NEDD4L: variants seen among roughly 807,000 people sequenced by gnomAD.
The protein encoded by NEDD4L is E3 ubiquitin-protein ligase NEDD4-like.
A neutral mutation model predicts 148.9 loss-of-function variants in NEDD4L; 54 were observed. The observed-to-expected ratio is 0.36, with a 90% CI of 0.29 to 0.45. The LOEUF is 0.45. NEDD4L is among the 20% of genes least tolerant of loss of function. The pLI is 1.00. For missense variants in NEDD4L, 856 were observed against 1,233.8 expected, an observed-to-expected ratio of 0.69 and a Z score of 4.59; for synonymous variants, 433 against 440.7, an observed-to-expected ratio of 0.98 and a Z score of 0.22.
chr18:58,213,862 C>A (rs1251507021), intron 2 of NEDD4L, among the ~76,000 whole-genome samples: 2 of 152,028 alleles, frequency 1.3e-5, no homozygotes, highest in African/African-American at 2.4e-5. Flanking sequence ...TTGGTTTATT[C>A]TGAGACCCCG....
chr18:58,313,687 C>T (rs2034378308), intron 5 of NEDD4L, among the ~76,000 whole-genome samples: 2 of 152,212 alleles, frequency 1.3e-5, no homozygotes, highest in East Asian at 3.8e-4. Context: ...GAGAACTAGA[C>T]GCAGCCTTGG....
At chr18:58,145,244 T>C (rs547943139) in intron 1 of NEDD4L, among the ~76,000 whole-genome samples, 2 of 152,224 alleles carry the variant, frequency 1.3e-5, no homozygotes, top group East Asian at 3.9e-4. Flanking sequence ...GGGGTCCAAG[T>C]GCCAAGGGAC....
chr18:58,102,960 G>C (rs1453967158), intron 1 of NEDD4L, among the ~76,000 whole-genome samples: 3 of 152,082 alleles, frequency 2.0e-5, no homozygotes, highest in Non-Finnish European at 4.4e-5. Flanking sequence ...CTCAGCCTTT[G>C]TTTGCATGCT....
Position 58,329,092 on chromosome 18 carries a change from G to C in NEDD4L, c.778G>C (p.Glu260Gln), listed in dbSNP as rs2059569575. ...RSRRHISEDL[E>Q]PEPSEGGDVP... ...CCGCAGGCACATCAGCGAAGACTTG[G>C]AGCCCGAGCCCTCGGAGGGCGGGGA... The change falls in exon 10 of 31, where the codon GAG (glutamate) becomes CAG (glutamine). Residue 260 changes from glutamate to glutamine, a missense_variant. Glu to Gln is a conservative substitution (Grantham distance 29). Transcript: ENST00000400345. The C allele has an allele frequency of 1.2e-6, 2 of 1,613,898 alleles. No individual in the cohort carries two copies. The highest frequency in any genetic ancestry group is 2.2e-5 in the South Asian group (2 of 91,074).
At chr18:58,125,094 T>C (rs112975411) in intron 1 of NEDD4L, among the ~76,000 whole-genome samples, 2,611 of 152,284 alleles carry the variant, frequency 0.017, 29 homozygotes, top group African/African-American at 0.026. Context: ...GAGATGGGGT[T>C]TCATGATGTT....
rs150932276 is a variant in NEDD4L at position 58,352,600 on chromosome 18, G to A, written c.1708+1555G>A. 1.9e-3 allele frequency among the ~76,000 whole-genome samples: 293 copies of A among 152,226 alleles called. 2 individuals are homozygous for A. Among genetic ancestry groups the A allele is most frequent in the African/African-American group, 6.6e-3 (274 of 41,526 alleles). On this transcript the variant is annotated intron_variant, in intron 18 of 30. Transcript: ENST00000400345. The stretch of plus-strand genomic sequence containing the variant: ...CTTGAACCTGGGAGGTGGAGGTTGC[G>A]GTGAGACAAGATCATACCACTGCAC...
Position 58,256,240 on chromosome 18 carries a change from C to A in NEDD4L, c.297+4186C>A. 8.1e-7 allele frequency: 1 copy of A among 1,229,556 alleles called. No homozygotes were observed. The highest frequency in any genetic ancestry group is 4.1e-5 in the South Asian group (1 of 24,310). The allele number at this position is 1,229,556 out of a possible 1,614,324, so 76.2% of individuals were successfully genotyped here. On this transcript the variant is annotated intron_variant, in intron 5 of 30. Transcript: ENST00000400345. This position sits in a 1 kb window ranked among gnomAD's most constrained non-coding sequence, Gnocchi z 5.2. Reference sequence around the variant, plus strand: ...TCCAGCACCGCGCCTCCAGCGCCGACGTGCGCCAGGTGAGGCTGCTGCCCC... The same window carrying A: ...TCCAGCACCGCGCCTCCAGCGCCGAAGTGCGCCAGGTGAGGCTGCTGCCCC...
chr18:58,322,900 GGGA>G (rs2058958730), intron 7 of NEDD4L, among the ~76,000 whole-genome samples: 1 of 92,910 alleles, frequency 1.1e-5, no homozygotes, highest in African/African-American at 4.6e-5. Flanking sequence ...TGGGTGGGTG[GGGA>G]TGCCTGCCCT....
At chr18:58,291,356 T>C (rs993802979) in intron 5 of NEDD4L, among the ~76,000 whole-genome samples, 2 of 152,236 alleles carry the variant, frequency 1.3e-5, no homozygotes, top group Admixed American at 6.5e-5. Context: ...ACCACAAGGA[T>C]GCTGGAAAGT....
chr18:58,384,609 G>C (rs999517318), intron 25 of NEDD4L, among the ~76,000 whole-genome samples: 1 of 152,218 alleles, frequency 6.6e-6, no homozygotes, highest in African/African-American at 2.4e-5. Flanking sequence ...AACGTGGTGG[G>C]AGTCAGGGCC....
At chr18:58,044,747 A>AGTTCCTATCCCGCGCCGGCAGG in intron 1 of NEDD4L, 39 bp downstream of exon 1, 1 of 1,596,626 alleles carries the variant, frequency 6.3e-7, no homozygotes, top group Non-Finnish European at 8.5e-7. Flanking sequence ...CTCCCCGGGG[A>AGTTCCTATCCCGCGCCGGCAGG]GTTCCTATCC....
chr18:58,107,713 C>A (rs1399513140), intron 1 of NEDD4L, among the ~76,000 whole-genome samples: 2 of 149,836 alleles, frequency 1.3e-5, no homozygotes, highest in Non-Finnish European at 3.0e-5. Context: ...GAGCAAGACC[C>A]TGTCTCCAGA....
At chr18:58,169,120 G>A (rs2037239866) in intron 2 of NEDD4L, among the ~76,000 whole-genome samples, 1 of 152,234 alleles carries the variant, frequency 6.6e-6, no homozygotes, top group African/African-American at 2.4e-5. Context: ...CCCCTTGAGA[G>A]GCCTGTGCCT....
chr18:58,291,124 G>C (rs991706414), intron 5 of NEDD4L, among the ~76,000 whole-genome samples: 1 of 130,634 alleles, frequency 7.7e-6, no homozygotes. Context: ...ACCGACCCAC[G>C]TGGTCACACA....
Position 58,350,716 on chromosome 18 carries a change from G to A in NEDD4L, c.1654-275G>A, listed in dbSNP as rs561203523. ...TTCAAACTCCACTGTTCCATGGAATGCTGCGGTTTCCCTTTGAAGCTTTTG... is the reference window on the plus strand; with the variant it reads ...TTCAAACTCCACTGTTCCATGGAATACTGCGGTTTCCCTTTGAAGCTTTTG... On this transcript the variant is annotated intron_variant, in intron 17 of 30. Transcript: ENST00000400345. Among the ~76,000 whole-genome samples, 13 of 152,348 alleles carry A rather than the reference G, an allele frequency of 8.5e-5. No homozygotes were observed. The East Asian group carries it at 2.5e-3, about 29-fold the overall frequency.
intron 1 of NEDD4L, among the ~76,000 whole-genome samples, chr18:58,155,314 T>TAA (rs561916350): frequency 2.9e-4 from 39 of 136,276 alleles, no homozygotes; most frequent in East Asian, 1.3e-3. Context: ...GTTTTAAGTT[T>TAA]AAAAAAAAAA....
chr18:58,057,196 G>A (rs531327561), intron 1 of NEDD4L, among the ~76,000 whole-genome samples: 24 of 151,360 alleles, frequency 1.6e-4, no homozygotes, highest in Non-Finnish European at 3.1e-4. Context: ...GAGGTGACCC[G>A]AATATGCAGC....
At position 58,234,164 on chromosome 18, in the gene NEDD4L, TTC is replaced by T. The variant is rs759281941; in HGVS notation, c.123-11255_123-11254del. On this transcript the variant is annotated intron_variant, in intron 2 of 30. Coordinates refer to ENST00000400345, the MANE Select transcript of NEDD4L (RefSeq NM_001144967.3). ...TTCTCTCTCTCTTTCTTTCTTCTTT[TTC>T]TCTCTCTTTCTTTCTTTCCTTCCTT... 2.7e-3 allele frequency among the ~76,000 whole-genome samples: 405 copies of T among 150,570 alleles called. 5 individuals carry two copies. Among genetic ancestry groups the T allele is most frequent in the African/African-American group, 6.3e-3 (256 of 40,886 alleles).
rs188160345 is a variant in NEDD4L at position 58,150,296 on chromosome 18, A to G, written c.49-15492A>G. ...GTTGCCTAGGCTGGAGTGCAATGGCATAATCTCGGCCCACTGCAACCTCCG... is the reference window on the plus strand; with the variant it reads ...GTTGCCTAGGCTGGAGTGCAATGGCGTAATCTCGGCCCACTGCAACCTCCG... On this transcript the variant is annotated intron_variant, in intron 1 of 30. Coordinates refer to ENST00000400345, the MANE Select transcript of NEDD4L (RefSeq NM_001144967.3). Among the ~76,000 whole-genome samples, 52 of 152,320 alleles carry G rather than the reference A, an allele frequency of 3.4e-4. 1 individual carries two copies. Among genetic ancestry groups the G allele is most frequent in the African/African-American group, 1.1e-3 (45 of 41,564 alleles).
Sources: allele counts gnomAD v4.1 joint callset (sites outside exome capture counted in the v4.1 genomes callset), GRCh38; gene constraint gnomAD v4.1.1; non-coding constraint Gnocchi (gnomAD v3.1); transcripts MANE v1.5; gene names NCBI Gene and HGNC (gene_info 2026-07-23, HGNC 2026-07-21).